The following DIPK2B variants were observed in gnomAD, a reference collection of about 807,000 sequenced individuals.
DIPK2B encodes the protein divergent protein kinase domain 2B.
In DIPK2B, 15 loss-of-function variants were observed where a neutral mutation model predicts 22.2. That is an observed-to-expected ratio of 0.68 (90% CI 0.45 to 1.04). The LOEUF is 1.04. Among genes scored for constraint, DIPK2B ranks in the 50% least tolerant of loss-of-function variants. DIPK2B has a pLI of 0.00. For missense variants in DIPK2B, 345 were observed against 348.3 expected (o/e 0.99, Z 0.08); for synonymous variants, 163 against 153.2 (o/e 1.06, Z -0.47).
At chrX:45,164,381 C>G (rs1176083539) in intron 2 of DIPK2B, 1 of 681,469 alleles carries the variant, frequency 1.5e-6, no homozygotes, top group African/African-American at 2.3e-5. Flanking sequence ...TAAAATACTC[C>G]CATGTTCCAG....
Position 45,191,899 on chromosome X carries a change from A to G in DIPK2B, c.350T>C (p.Val117Ala). Residue 117 changes from valine to alanine, a missense_variant, in exon 2 of 5, where the codon GTC (valine) becomes GCC (alanine). Transcript: ENST00000398000. ...TGAGATCTCGTTTTGATATTTGCTG[A>G]CCAGTCTAAAGATCTCCACAGGGCG... Reference protein sequence around the residue: ...IWRPVEIFRLVSKYQNEISDR... With the variant: ...IWRPVEIFRLASKYQNEISDR... The G allele has an allele frequency of 8.3e-7, 1 of 1,211,766 alleles. No homozygotes were observed. Among genetic ancestry groups the G allele is most frequent in the Admixed American group, 2.2e-5 (1 of 46,077 alleles).
chrX:45,172,764 C>T (rs2047090879), intron 2 of DIPK2B, among the ~76,000 whole-genome samples: 1 of 112,007 alleles, frequency 8.9e-6, no homozygotes, highest in Non-Finnish European at 1.9e-5. Context: ...TTCAGGTGTG[C>T]TAAAGCTTGT....
chrX:45,170,015 G>A (rs931718898), intron 2 of DIPK2B, among the ~76,000 whole-genome samples: 1 of 110,198 alleles, frequency 9.1e-6, no homozygotes, highest in Non-Finnish European at 1.9e-5. Context: ...AGGCTGAGGC[G>A]GGCAGATCAC....
At chrX:45,172,978 T>G (rs2047092039) in intron 2 of DIPK2B, among the ~76,000 whole-genome samples, 1 of 111,634 alleles carries the variant, frequency 9.0e-6, no homozygotes, top group Non-Finnish European at 1.9e-5. Flanking sequence ...GAATTCTGAT[T>G]GTCAGGAAAA....
intron 2 of DIPK2B, among the ~76,000 whole-genome samples, chrX:45,174,042 G>A (rs1339401767): frequency 9.0e-6 from 1 of 111,355 alleles, no homozygotes; most frequent in Non-Finnish European, 1.9e-5. Flanking sequence ...CTGGGTGTGA[G>A]AAAGTAGCCA....
At chrX:45,193,285 A>C (rs1048380170) in intron 1 of DIPK2B, among the ~76,000 whole-genome samples, 1 of 112,491 alleles carries the variant, frequency 8.9e-6, no homozygotes, top group African/African-American at 3.2e-5. Flanking sequence ...ATCAGGCAGC[A>C]TGTGACATGT....
intron 1 of DIPK2B, among the ~76,000 whole-genome samples, chrX:45,193,613 A>G (rs1364684311): frequency 8.9e-6 from 1 of 112,477 alleles, no homozygotes; most frequent in Non-Finnish European, 1.9e-5. Context: ...CCAGCCTCTC[A>G]CATCTGGGAA....
At chrX:45,174,447 G>A (rs993112476) in intron 2 of DIPK2B, among the ~76,000 whole-genome samples, 5 of 111,354 alleles carry the variant, frequency 4.5e-5, no homozygotes, top group African/African-American at 6.5e-5. Context: ...AGTTCAATGC[G>A]GGGCAGAATA....
chrX:45,194,068 T>G (rs1189540557), intron 1 of DIPK2B, among the ~76,000 whole-genome samples: 1 of 112,172 alleles, frequency 8.9e-6, no homozygotes, highest in African/African-American at 3.2e-5. Flanking sequence ...ATTCATTTAA[T>G]TGTTTCAATA....
intron 4 of DIPK2B, among the ~76,000 whole-genome samples, chrX:45,153,602 C>T (rs1462008624): frequency 9.3e-6 from 1 of 107,224 alleles, no homozygotes; most frequent in Non-Finnish European, 1.9e-5. Flanking sequence ...GTCCCTGGGC[C>T]ACATAGACCC....
At position 45,151,720 on chromosome X, in the gene DIPK2B, G is replaced by A; in HGVS notation, c.1234C>T (p.Pro412Ser). 2 of 1,211,883 alleles carry A rather than the reference G, an allele frequency of 1.7e-6. No individual in the cohort carries two copies. Among genetic ancestry groups the A allele is most frequent in the South Asian group, 1.8e-5 (1 of 57,021 alleles). ...AASQLKDILR[P>S]LRTCDSRFAY... The stretch of plus-strand genomic sequence containing the variant: ...AATCTGGAGTCACACGTTCTCAGGG[G>A]CCTCAAGATGTCTTTCAGCTGGCTG... The change falls in exon 5 of 5, where the codon CCC becomes TCC. Residue 412 changes from proline to serine, a missense_variant. Pro to Ser is a moderately conservative substitution (Grantham distance 74). Transcript: ENST00000398000.
intron 2 of DIPK2B, among the ~76,000 whole-genome samples, chrX:45,182,611 A>C (rs755067278): frequency 8.8e-6 from 1 of 113,158 alleles, no homozygotes; most frequent in East Asian, 2.8e-4. Context: ...CAATAGTGCA[A>C]ACTAAATACA....
intron 2 of DIPK2B, among the ~76,000 whole-genome samples, chrX:45,188,983 A>G (rs1339434996): frequency 8.9e-6 from 1 of 112,509 alleles, no homozygotes; most frequent in Non-Finnish European, 1.9e-5. Flanking sequence ...TTATCCATTC[A>G]TTGGTTGACG....
chrX:45,150,400 T>C lies in DIPK2B; in HGVS notation c.*1252A>G, dbSNP rs2046953942. 8.9e-6 allele frequency: 1 copy of C among 112,031 alleles called. No individual in the cohort carries two copies. Among genetic ancestry groups the C allele is most frequent in the African/African-American group, 3.2e-5 (1 of 30,787 alleles). 9.2% of individuals were successfully genotyped at this position (112,031 alleles called of 1,213,427 possible). A position where few individuals can be genotyped will look rare whatever the true frequency, so the allele number is the denominator to read the frequency against. ...AAACTGTTGAATAAAGTATGTTCTA[T>C]TGGTTGACCTTGAAAAAAGTATTTT... On this transcript the variant is annotated 3_prime_UTR_variant, in exon 5 of 5. Transcript: ENST00000398000.
In DIPK2B at chrX:45,200,687, C is replaced by G; in HGVS notation, c.140G>C (p.Ser47Thr). 1 of 1,212,423 alleles carries G rather than the reference C, an allele frequency of 8.2e-7. No individual in the cohort carries two copies. ...GAGGAAAGTCCTTCCAAAATTGTAGCTGGTTCTGACTTGGGGCACCAGAGA... is the reference window on the plus strand; with the variant it reads ...GAGGAAAGTCCTTCCAAAATTGTAGGTGGTTCTGACTTGGGGCACCAGAGA... ...LSSLVPQVRT[S>T]YNFGRTFLGL... The change falls in exon 1 of 5, where the codon AGC becomes ACC. Residue 47 changes from serine to threonine, a missense_variant. Ser to Thr is a moderately conservative substitution (Grantham distance 58, BLOSUM62 1). Transcript: ENST00000398000.
At chrX:45,192,295 C>G (rs1283872767) in intron 1 of DIPK2B, among the ~76,000 whole-genome samples, 2 of 111,901 alleles carry the variant, frequency 1.8e-5, no homozygotes, top group Non-Finnish European at 3.8e-5. Context: ...TGAACTTTTA[C>G]TCCCTGTAAA....
At chrX:45,157,277 T>C (rs1344370876) in intron 3 of DIPK2B, among the ~76,000 whole-genome samples, 3 of 111,797 alleles carry the variant, frequency 2.7e-5, no homozygotes, top group Non-Finnish European at 5.6e-5. Flanking sequence ...ATTTGACCAT[T>C]CCCCTGTGTA....
At chrX:45,182,394 A>G (rs145334220) in intron 2 of DIPK2B, among the ~76,000 whole-genome samples, 1,352 of 112,322 alleles carry the variant, frequency 0.012, 27 homozygotes, top group African/African-American at 0.039. Flanking sequence ...AAAACTAACA[A>G]TAGTAAGTGT....
At chrX:45,174,791 G>A (rs1208865606) in intron 2 of DIPK2B, among the ~76,000 whole-genome samples, 1 of 111,387 alleles carries the variant, frequency 9.0e-6, no homozygotes, top group South Asian at 3.8e-4. Context: ...TAGATAATAC[G>A]CATAATGTTG....
Sources: allele counts gnomAD v4.1 joint callset (sites outside exome capture counted in the v4.1 genomes callset), GRCh38; gene constraint gnomAD v4.1.1; transcripts MANE v1.5; gene names NCBI Gene and HGNC (gene_info 2026-07-23, HGNC 2026-07-21).